The following GRID2 variants were observed in gnomAD, a reference collection of about 807,000 sequenced individuals.
GRID2 encodes glutamate ionotropic receptor delta type subunit 2.
GRID2 carries 33 observed loss-of-function variants against 114.8 expected under a neutral mutation model. That is an observed-to-expected ratio of 0.29 (90% CI 0.22 to 0.38). The LOEUF (loss-of-function observed/expected upper bound fraction) is 0.38. Ranked by LOEUF, GRID2 falls within the 10% of genes least tolerant of loss-of-function variation. GRID2 has a pLI of 1.00. For synonymous variants in GRID2, 505 were observed against 449.9 expected, an observed-to-expected ratio of 1.12 and a Z score of -1.55; for missense variants, 1,184 against 1,257.7, an observed-to-expected ratio of 0.94 and a Z score of 0.89.
chr4:93,302,715 G>A (rs1335573194), intron 8 of GRID2: 1 of 389,570 alleles, frequency 2.6e-6, no homozygotes, highest in African/African-American at 2.1e-5. Context: ...TATTATGCCT[G>A]TTTCCTATTT....
intron 2 of GRID2, among the ~76,000 whole-genome samples, chr4:92,866,956 T>C (rs1744913420): frequency 6.6e-6 from 1 of 152,178 alleles, no homozygotes; most frequent in Non-Finnish European, 1.5e-5. Context: ...AAATTAAACC[T>C]GTAGTTAATG....
chr4:93,087,027 T>TTTAG (rs1189436634), intron 3 of GRID2, among the ~76,000 whole-genome samples: 1 of 151,140 alleles, frequency 6.6e-6, no homozygotes, highest in Non-Finnish European at 1.5e-5. Context: ...GATTTATTTA[T>TTTAG]TTATTTATTT....
chr4:93,340,240 C>CTTTTTTTTT (rs33924908), intron 8 of GRID2, among the ~76,000 whole-genome samples: 4 of 139,770 alleles, frequency 2.9e-5, no homozygotes, highest in Non-Finnish European at 3.1e-5. Context: ...TATCTCCTCT[C>CTTTTTTTTT]TTTTTTTTTT....
At chr4:93,752,741 A>G (rs897894495) in intron 14 of GRID2, among the ~76,000 whole-genome samples, 3 of 152,192 alleles carry the variant, frequency 2.0e-5, no homozygotes, top group Non-Finnish European at 4.4e-5. Flanking sequence ...TTCCCTGCTT[A>G]AAATTTCCTA....
chr4:92,823,352 C>T (rs745867956), intron 2 of GRID2, among the ~76,000 whole-genome samples: 1 of 152,072 alleles, frequency 6.6e-6, no homozygotes, highest in African/African-American at 2.4e-5. Context: ...TATTTGCTGC[C>T]AATCCCTAGC....
At chr4:92,401,529 A>G (rs1412200764) in intron 1 of GRID2, among the ~76,000 whole-genome samples, 4 of 152,210 alleles carry the variant, frequency 2.6e-5, no homozygotes, top group Non-Finnish European at 4.4e-5. Flanking sequence ...AAAAGCAAAT[A>G]TAATAATAAA....
chr4:93,318,186 AT>A (rs1179580248), intron 8 of GRID2, among the ~76,000 whole-genome samples: 1 of 151,200 alleles, frequency 6.6e-6, no homozygotes, highest in East Asian at 1.9e-4. Context: ...TGATGTGTGA[AT>A]TTTTTTAGTA....
intron 1 of GRID2, among the ~76,000 whole-genome samples, chr4:92,328,136 C>T (rs1726691323): frequency 6.6e-6 from 1 of 151,968 alleles, no homozygotes; most frequent in Non-Finnish European, 1.5e-5. Context: ...ATAATACACA[C>T]ATTCAAGAGG....
Position 92,837,915 on chromosome 4 carries a change from A to G in GRID2, c.245-247080A>G, listed in dbSNP as rs546330576. On this transcript the variant is annotated intron_variant, in intron 2 of 15. Coordinates refer to ENST00000282020, the MANE Select transcript of GRID2 (RefSeq NM_001510.4). ...CTTTATGGCAAATGTCTCCTTTTAC[A>G]TATGTCACTTGACTATAAGCTTTAT... is the stretch of plus-strand genomic sequence containing the variant. Among the ~76,000 whole-genome samples the G allele has an allele frequency of 7.9e-5, 12 of 152,246 alleles. No homozygotes were observed. In the South Asian group the frequency reaches 2.5e-3, roughly 32 times the overall value.
At chr4:93,590,360 G>C (rs556630246) in intron 13 of GRID2, among the ~76,000 whole-genome samples, 2 of 150,528 alleles carry the variant, frequency 1.3e-5, no homozygotes, top group African/African-American at 4.9e-5. Flanking sequence ...AGATCAGATA[G>C]TTGTAGATAG....
intron 1 of GRID2, among the ~76,000 whole-genome samples, chr4:92,495,428 TA>T: frequency 6.6e-6 from 1 of 151,944 alleles, no homozygotes; most frequent in Non-Finnish European, 1.5e-5. Flanking sequence ...TAGAATGAAA[TA>T]ATTTTAGGTG....
chr4:93,722,539 A>C (rs1370066315), intron 14 of GRID2, among the ~76,000 whole-genome samples: 1 of 152,160 alleles, frequency 6.6e-6, no homozygotes, highest in Non-Finnish European at 1.5e-5. Context: ...GTGTCCCCCC[A>C]AAAAAGAAAC....
intron 8 of GRID2, among the ~76,000 whole-genome samples, chr4:93,375,737 G>T (rs895394275): frequency 6.6e-6 from 1 of 152,074 alleles, no homozygotes; most frequent in African/African-American, 2.4e-5. Flanking sequence ...TCTACCTCAG[G>T]TTAATCAAAT....
intron 12 of GRID2, among the ~76,000 whole-genome samples, chr4:93,507,567 C>A (rs534527335): frequency 1.3e-5 from 2 of 152,300 alleles, no homozygotes; most frequent in South Asian, 2.1e-4. Context: ...ATCATGAATT[C>A]TTTTACATAT....
chr4:92,787,714 CCTT>C (rs2149362413), intron 2 of GRID2, among the ~76,000 whole-genome samples: 1 of 151,914 alleles, frequency 6.6e-6, no homozygotes, highest in South Asian at 2.1e-4. Context: ...CTAGAAGAGT[CCTT>C]CTGGCTATTT....
intron 13 of GRID2, among the ~76,000 whole-genome samples, chr4:93,604,067 A>G (rs966052711): frequency 2.6e-4 from 40 of 152,208 alleles, no homozygotes; most frequent in African/African-American, 8.9e-4. Flanking sequence ...TGAGAAATAT[A>G]TTTTATAAGG....
chr4:92,938,887 C>G (rs1490547039), intron 2 of GRID2, among the ~76,000 whole-genome samples: 4 of 146,988 alleles, frequency 2.7e-5, no homozygotes, highest in African/African-American at 4.8e-5. Context: ...CTACAAAGGA[C>G]ATGAACTCAT....
intron 2 of GRID2, among the ~76,000 whole-genome samples, chr4:93,005,804 G>A (rs969720684): frequency 2.6e-5 from 4 of 152,060 alleles, no homozygotes; most frequent in African/African-American, 4.8e-5. Context: ...AAGGTTGCAC[G>A]TTGTACGTTT....
Position 93,769,196 on chromosome 4 carries a change from T to G in GRID2, c.2361-14T>G, listed in dbSNP as rs1733921246. The stretch of plus-strand genomic sequence containing the variant: ...ATGTCTGTAATAACACATGCTTATG[T>G]TCTTTATCCCAAGGATCCTGGAGCT... On this transcript the variant is annotated splice_polypyrimidine_tract_variant and intron_variant, in intron 14 of 15. Transcript: ENST00000282020. 2 of 1,613,512 alleles carry G rather than the reference T, an allele frequency of 1.2e-6. No individual in the cohort carries two copies. Among genetic ancestry groups the G allele is most frequent in the Non-Finnish European group, 1.7e-6 (2 of 1,179,498 alleles).
Sources: gnomAD v4.1 joint callset for allele counts (sites outside exome capture counted in the v4.1 genomes callset) on GRCh38, gnomAD v4.1.1 for gene constraint, MANE v1.5 for transcripts, NCBI Gene and HGNC (gene_info 2026-07-23, HGNC 2026-07-21) for gene names.